The following KLHL38 variants were observed in gnomAD, a reference collection of about 807,000 sequenced individuals.
KLHL38 encodes kelch like family member 38, also known as kelch-like protein 38.
A neutral mutation model predicts 39.6 loss-of-function variants in KLHL38; 38 were observed. The observed-to-expected ratio is 0.96, with a 90% CI of 0.74 to 1.26. KLHL38 has a LOEUF of 1.26. KLHL38 is among the 50% of genes most tolerant of loss of function. KLHL38 has a pLI of 0.00. For synonymous variants in KLHL38, 322 were observed against 302.2 expected (o/e 1.07, Z -0.68); for missense variants, 803 against 748.1 (o/e 1.07, Z -0.86).
chr8:123,648,195 T>G (rs1192308380), intron 2 of KLHL38, among the ~76,000 whole-genome samples: 1 of 152,246 alleles, frequency 6.6e-6, no homozygotes, highest in Non-Finnish European at 1.5e-5. Context: ...TTCTTCCATC[T>G]TTCAGTTTAG....
intron 2 of KLHL38, among the ~76,000 whole-genome samples, chr8:123,648,461 G>T (rs992603726): frequency 6.6e-6 from 1 of 152,198 alleles, no homozygotes; most frequent in Non-Finnish European, 1.5e-5. Context: ...GGTCACAATG[G>T]CCGTTTCATC....
intron 3 of KLHL38, among the ~76,000 whole-genome samples, chr8:123,646,338 A>G (rs1563591696): frequency 6.6e-6 from 1 of 152,196 alleles, no homozygotes; most frequent in Non-Finnish European, 1.5e-5. Flanking sequence ...TCAAATGCCC[A>G]CTCAAGAACT....
chr8:123,651,070 T>C (rs1027682147), intron 2 of KLHL38, among the ~76,000 whole-genome samples: 2 of 152,264 alleles, frequency 1.3e-5, no homozygotes, highest in Non-Finnish European at 2.9e-5. Flanking sequence ...CTTTGTTATG[T>C]ATTATTTTTG....
Position 123,645,502 on chromosome 8 carries a change from A to C in KLHL38, c.*237T>G. 1.9e-6 allele frequency: 1 copy of C among 529,882 alleles called. No homozygotes were observed. Among genetic ancestry groups the C allele is most frequent in the Non-Finnish European group, 3.3e-6 (1 of 299,244 alleles). The allele number at this position is 529,882 out of a possible 1,614,324, so 32.8% of individuals were successfully genotyped here. On this transcript the variant is annotated 3_prime_UTR_variant, in exon 4 of 4. Coordinates refer to ENST00000684634, the MANE Select transcript of KLHL38 (RefSeq NM_001081675.3). ...GAGACAGACAGAGATAGGGGAGAGA[A>C]AGAAAGAAGGGGGAAAGACAGAGAC...
Position 123,645,025 on chromosome 8 carries a change from G to A in KLHL38, c.*714C>T, listed in dbSNP as rs1441377285. ...CCTAGGGATGAGAGAGAGGAAGACA[G>A]AGGGGAGACTGAGAGAGAGAGAGAG... On this transcript the variant is annotated 3_prime_UTR_variant, in exon 4 of 4. Transcript: ENST00000684634. Among the ~76,000 whole-genome samples the A allele has an allele frequency of 1.0e-5, 1 of 96,080 alleles. No homozygotes were observed. Among genetic ancestry groups the A allele is most frequent in the Non-Finnish European group, 2.1e-5 (1 of 46,522 alleles). The allele number at this position is 96,080 out of a possible 152,430, so 63.0% of individuals were successfully genotyped here.
chr8:123,645,787 A>C lies in KLHL38; in HGVS notation c.1698T>G (p.His566Gln). 1 of 1,613,276 alleles carries C rather than the reference A, an allele frequency of 6.2e-7. No individual in the cohort carries two copies. The highest frequency in any genetic ancestry group is 8.5e-7 in the Non-Finnish European group (1 of 1,179,954). Residue 566 changes from histidine (H) to glutamine (Q), a missense_variant, in exon 4 of 4, where the codon CAT becomes CAG. His to Gln is a conservative substitution (Grantham distance 24). Transcript: ENST00000684634. The part of the protein sequence containing the change: ...QGQLPHKLFD[H>Q]ACLTLQCIPR... Reference sequence around the variant, plus strand: ...GTATGCACTGGAGAGTGAGGCAGGCATGGTCAAAGAGCTTGTGCGGCAGCT... The same window carrying C: ...GTATGCACTGGAGAGTGAGGCAGGCCTGGTCAAAGAGCTTGTGCGGCAGCT...
intron 2 of KLHL38, among the ~76,000 whole-genome samples, chr8:123,648,831 C>A (rs1346260268): frequency 6.6e-6 from 1 of 152,180 alleles, no homozygotes; most frequent in Non-Finnish European, 1.5e-5. Context: ...AAAGAACGCA[C>A]ACACACAGAT....
chr8:123,652,592 G>A lies in KLHL38; in HGVS notation c.335C>T (p.Ser112Phe), dbSNP rs1231113129. The A allele has an allele frequency of 3.1e-6, 5 of 1,614,240 alleles. No homozygotes were observed. Among genetic ancestry groups the A allele is most frequent in the Non-Finnish European group, 4.2e-6 (5 of 1,180,036 alleles). The change falls in exon 2 of 4, where the codon TCC (serine) becomes TTC (phenylalanine). Residue 112 changes from serine to phenylalanine, a missense_variant. By Grantham distance (155) the Ser-to-Phe change is radical. Coordinates refer to ENST00000684634, the MANE Select transcript of KLHL38 (RefSeq NM_001081675.3). ...DNVLPVMEAASMLQFPKLFEA... is the reference protein window; with the variant it reads ...DNVLPVMEAAFMLQFPKLFEA... The stretch of plus-strand genomic sequence containing the variant: ...AAACAGCTTGGGGAACTGTAGCATG[G>A]AGGCGGCCTCCATCACGGGGAGGAC...
rs1431316147 is a variant in KLHL38, at chr8:123,651,611, TCTC to T, written c.1313_1315del (p.Gly438del). On this transcript the variant is annotated inframe_deletion, in exon 2 of 4. Transcript: ENST00000684634. The stretch of plus-strand genomic sequence containing the variant: ...GCGCACAGGGTTCTGCATGATGTCC[TCTC>T]CTCCAAAGAGATAGAGTCTTTGGTC... 1.9e-6 allele frequency: 3 copies of T among 1,603,282 alleles called. No individual in the cohort carries two copies. Among genetic ancestry groups the T allele is most frequent in the Non-Finnish European group, 2.6e-6 (3 of 1,176,362 alleles).
Position 123,652,540 on chromosome 8 carries a change from G to C in KLHL38, c.387C>G (p.Ser129Arg). 6.2e-7 allele frequency: 1 copy of C among 1,614,208 alleles called. No individual in the cohort carries two copies. The highest frequency in any genetic ancestry group is 8.5e-7 in the Non-Finnish European group (1 of 1,180,030). Residue 129 changes from serine to arginine, a missense_variant, in exon 2 of 4, where the codon AGC becomes AGG. Physicochemically the swap from Ser to Arg is moderately radical, Grantham distance 110. Coordinates refer to ENST00000684634, the MANE Select transcript of KLHL38 (RefSeq NM_001081675.3). ...CCAGGCAGTTGCTGGGGGCCAACTGGCTCTGCAAGTACGAGGAGCAGGCCT... is the reference window on the plus strand; with the variant it reads ...CCAGGCAGTTGCTGGGGGCCAACTGCCTCTGCAAGTACGAGGAGCAGGCCT... Reference protein sequence around the residue: ...LFEACSSYLQSQLAPSNCLGM... With the variant: ...LFEACSSYLQRQLAPSNCLGM...
At chr8:123,653,208 G>T (rs1328152141) in intron 1 of KLHL38, among the ~76,000 whole-genome samples, 1 of 152,200 alleles carries the variant, frequency 6.6e-6, no homozygotes, top group Non-Finnish European at 1.5e-5. Flanking sequence ...ACAAACTAAA[G>T]TTGTTGGAAG....
Position 123,652,058 on chromosome 8 carries a change from C to G in KLHL38, c.869G>C (p.Gly290Ala). The change falls in exon 2 of 4, where the codon GGC becomes GCC. Residue 290 changes from glycine to alanine, a missense_variant. By Grantham distance (60) the Gly-to-Ala change is moderately conservative. Coordinates refer to ENST00000684634, the MANE Select transcript of KLHL38 (RefSeq NM_001081675.3). ...GGTCTGCTGGCTGTCCTTCCTTCCG[C>G]CCAAGAGGATGAGGAAATCTTGGTA... ...NSYQDFLILL[G>A]GRKDSQQTTR... 1.2e-6 allele frequency: 2 copies of G among 1,614,194 alleles called. No homozygotes were observed. Among genetic ancestry groups the G allele is most frequent in the Non-Finnish European group, 1.7e-6 (2 of 1,180,040 alleles).
Position 123,652,218 on chromosome 8 carries a change from C to G in KLHL38, c.709G>C (p.Ala237Pro), listed in dbSNP as rs544443097. The change falls in exon 2 of 4, where the codon GCC becomes CCC. Residue 237 changes from alanine (A) to proline (P), a missense_variant. Transcript: ENST00000684634. ...IHPAFFHHFI[A>P]NDALLQSSPA... ...GAGGACTGCAGGAGGGCATCGTTGG[C>G]GATGAAGTGGTGAAAGAAGGCTGGG... 12 of 1,614,114 alleles carry G rather than the reference C, an allele frequency of 7.4e-6. No homozygotes were observed. Among genetic ancestry groups the G allele is most frequent in the Non-Finnish European group, 1.0e-5 (12 of 1,180,030 alleles).
At position 123,644,668 on chromosome 8, in the gene KLHL38, A is replaced by T. The variant is rs1284069238; in HGVS notation, c.*1071T>A. ...CAGATTTCAGTGGTGTCCTGGGCAG[A>T]TGTGGTTTTTGTCTGGATTTCTCTC... On this transcript the variant is annotated 3_prime_UTR_variant, in exon 4 of 4. Transcript: ENST00000684634. Among the ~76,000 whole-genome samples, 2 of 152,076 alleles carry T rather than the reference A, an allele frequency of 1.3e-5. No individual in the cohort carries two copies. Among genetic ancestry groups the T allele is most frequent in the Non-Finnish European group, 2.9e-5 (2 of 68,022 alleles).
intron 2 of KLHL38, among the ~76,000 whole-genome samples, chr8:123,650,099 A>T (rs953881588): frequency 7.4e-5 from 2 of 26,904 alleles, no homozygotes; most frequent in South Asian, 1.2e-3. Flanking sequence ...CTCCATCCCC[A>T]CCTTCCTCTC....
Position 123,645,066 on chromosome 8 carries a change from G to A in KLHL38, c.*673C>T, listed in dbSNP as rs1192183201. Among the ~76,000 whole-genome samples the A allele has an allele frequency of 6.6e-6, 1 of 151,024 alleles. No individual in the cohort carries two copies. The highest frequency in any genetic ancestry group is 1.5e-5 in the Non-Finnish European group (1 of 67,716). ...AGAGAGAGAGAGAGAGGGGCAGAGA[G>A]AGGCAGAGAGACAGAGAAGAGAGAG... On this transcript the variant is annotated 3_prime_UTR_variant, in exon 4 of 4. Coordinates refer to ENST00000684634, the MANE Select transcript of KLHL38 (RefSeq NM_001081675.3).
Position 123,645,140 on chromosome 8 carries a change from GAGAC to G in KLHL38, c.*595_*598del, listed in dbSNP as rs1818635655. Among the ~76,000 whole-genome samples the G allele has an allele frequency of 6.6e-6, 1 of 151,868 alleles. No homozygotes were observed. The highest frequency in any genetic ancestry group is 1.9e-4 in the East Asian group (1 of 5,134). On this transcript the variant is annotated 3_prime_UTR_variant, in exon 4 of 4. Coordinates refer to ENST00000684634, the MANE Select transcript of KLHL38 (RefSeq NM_001081675.3). ...GAGAGAGAGAAGAGAGACAGAAACTGAGACAGAAAGGAGACAGGCCAGGCGTGGT... is the reference window on the plus strand; with the variant it reads ...GAGAGAGAGAAGAGAGACAGAAACTGAGAAAGGAGACAGGCCAGGCGTGGT...
chr8:123,645,844 G>A lies in KLHL38; in HGVS notation c.1641C>T (p.Asp547=). Residue 547 remains aspartate, a synonymous_variant, in exon 4 of 4, where the codon GAC becomes GAT. Transcript: ENST00000684634. ...IEDSASFDCY[D]PETDTWTSQG... ...GGGATGTCCAGGTGTCCGTCTCGGG[G>A]TCGTAGCAATCGAAGGAGGCGGAGT... 6.2e-7 allele frequency: 1 copy of A among 1,613,992 alleles called. No individual in the cohort carries two copies. The highest frequency in any genetic ancestry group is 8.5e-7 in the Non-Finnish European group (1 of 1,180,016).
chr8:123,651,746 C>A lies in KLHL38; in HGVS notation c.1181G>T (p.Gly394Val). ...FIFSIGGIGE[G>V]QELMGSMERY... Reference sequence around the variant, plus strand: ...TTCCATGGAGCCCATGAGCTCCTGCCCTTCTCCAATCCCCCCGATGGAGAA... The same window carrying A: ...TTCCATGGAGCCCATGAGCTCCTGCACTTCTCCAATCCCCCCGATGGAGAA... Residue 394 changes from glycine to valine, a missense_variant, in exon 2 of 4, where the codon GGG becomes GTG. Physicochemically the swap from Gly to Val is moderately radical, Grantham distance 109 (BLOSUM62 -3). Transcript: ENST00000684634. The A allele has an allele frequency of 1.9e-6, 3 of 1,614,204 alleles. No homozygotes were observed. Among genetic ancestry groups the A allele is most frequent in the South Asian group, 2.2e-5 (2 of 91,084 alleles).
Sources: allele counts gnomAD v4.1 joint callset (sites outside exome capture counted in the v4.1 genomes callset), GRCh38; gene constraint gnomAD v4.1.1; transcripts MANE v1.5; gene names NCBI Gene and HGNC (gene_info 2026-07-23, HGNC 2026-07-21).